Variants in ZNF385D observed in about 807,000 individuals in gnomAD.
ZNF385D encodes zinc finger protein 385D.
Under a neutral mutation model 35.8 loss-of-function variants are expected in ZNF385D, and 15 were observed. The observed-to-expected ratio is 0.42, with a 90% CI of 0.28 to 0.64. ZNF385D has a LOEUF of 0.64. Among genes scored for constraint, ZNF385D ranks in the 30% least tolerant of loss-of-function variants. The probability of loss-of-function intolerance (pLI) is 0.23; values close to 1 mark genes in which losing one functional copy is unlikely to be tolerated. For synonymous variants in ZNF385D, 212 were observed against 186.8 expected, an observed-to-expected ratio of 1.13 and a Z score of -1.10; for missense variants, 474 against 494.6, an observed-to-expected ratio of 0.96 and a Z score of 0.39.
At chr3:22,330,132 A>G (rs1437902496) in intron 2 of ZNF385D, among the ~76,000 whole-genome samples, 2 of 152,202 alleles carry the variant, frequency 1.3e-5, no homozygotes, top group Non-Finnish European at 2.9e-5. Context: ...CATTTCGATG[A>G]GTACATATTT....
intron 3 of ZNF385D, among the ~76,000 whole-genome samples, chr3:21,852,422 A>G (rs1189830141): frequency 6.6e-6 from 1 of 151,926 alleles, no homozygotes; most frequent in Non-Finnish European, 1.5e-5. Flanking sequence ...ACTGTAATAG[A>G]CAGCATTCAT....
At chr3:21,714,262 A>C (rs1559544619) in intron 1 of ZNF385D, among the ~76,000 whole-genome samples, 1 of 152,146 alleles carries the variant, frequency 6.6e-6, no homozygotes, top group Non-Finnish European at 1.5e-5. Flanking sequence ...CCTGACACTT[A>C]CTGAGCACAT....
intron 2 of ZNF385D, among the ~76,000 whole-genome samples, chr3:21,590,086 A>G (rs1416875473): frequency 1.3e-5 from 2 of 152,194 alleles, no homozygotes; most frequent in Non-Finnish European, 2.9e-5. Flanking sequence ...CAGCAAAAGC[A>G]TGGATCCAGA....
intron 2 of ZNF385D, among the ~76,000 whole-genome samples, chr3:22,246,183 ACTTTT>A (rs1699769136): frequency 6.6e-6 from 1 of 152,150 alleles, no homozygotes; most frequent in African/African-American, 2.4e-5. Context: ...CAAGAAACAT[ACTTTT>A]CTTTTCAAAC....
At chr3:22,310,039 G>T (rs751889795) in intron 2 of ZNF385D, among the ~76,000 whole-genome samples, 2 of 151,948 alleles carry the variant, frequency 1.3e-5, no homozygotes, top group African/African-American at 4.8e-5. Context: ...TTGGGATGAG[G>T]ATTGATCCAA....
At position 22,156,189 on chromosome 3, in the gene ZNF385D, TACC is replaced by T. The variant is rs372804350; in HGVS notation, c.325+12625_325+12627del. On this transcript the variant is annotated intron_variant, in intron 3 of 5. Coordinates refer to the ZNF385D transcript ENST00000494108. Reference sequence around the variant, plus strand: ...ATAAATGTACTTCTAGGAAAAAAATTACCACCATATGAAGACACAATCCTCAAG... The same window carrying T: ...ATAAATGTACTTCTAGGAAAAAAATTACCATATGAAGACACAATCCTCAAG... 2.1e-4 allele frequency among the ~76,000 whole-genome samples: 32 copies of T among 152,130 alleles called. No individual in the cohort carries two copies. In the East Asian group the frequency reaches 4.1e-3, roughly 19 times the overall value.
intron 3 of ZNF385D, among the ~76,000 whole-genome samples, chr3:21,766,141 G>T (rs2070821366): frequency 6.6e-6 from 1 of 152,108 alleles, no homozygotes; most frequent in Non-Finnish European, 1.5e-5. Context: ...TTATGGGATT[G>T]ATAACAATGG....
intron 3 of ZNF385D, among the ~76,000 whole-genome samples, chr3:22,016,379 A>G (rs1323831789): frequency 6.6e-6 from 1 of 152,130 alleles, no homozygotes; most frequent in Non-Finnish European, 1.5e-5. Context: ...CCCAGATGCT[A>G]TACTTAGCAT....
chr3:22,210,375 A>G (rs1488055044), intron 2 of ZNF385D, among the ~76,000 whole-genome samples: 1 of 151,932 alleles, frequency 6.6e-6, no homozygotes, highest in Non-Finnish European at 1.5e-5. Flanking sequence ...AAAAGAGGCA[A>G]CCACAGGTGA....
intron 3 of ZNF385D, among the ~76,000 whole-genome samples, chr3:21,837,153 A>G (rs951269736): frequency 6.6e-6 from 1 of 152,104 alleles, no homozygotes; most frequent in Non-Finnish European, 1.5e-5. Flanking sequence ...GTCATTGCCA[A>G]ATTTCTCTCT....
intron 2 of ZNF385D, among the ~76,000 whole-genome samples, chr3:22,277,396 A>G (rs955336485): frequency 1.3e-5 from 2 of 152,150 alleles, no homozygotes; most frequent in African/African-American, 2.4e-5. Flanking sequence ...GGGGTAGCCT[A>G]GAAAATCATA....
At chr3:22,132,972 T>A (rs1703888549) in intron 3 of ZNF385D, among the ~76,000 whole-genome samples, 1 of 152,174 alleles carries the variant, frequency 6.6e-6, no homozygotes, top group Non-Finnish European at 1.5e-5. Flanking sequence ...ATAAAGTTAC[T>A]GTAAATTGTT....
rs534305637 is a variant in ZNF385D, at chr3:21,802,454, C to G, written c.326-137426G>C. On this transcript the variant is annotated intron_variant, in intron 3 of 5. Coordinates refer to the ZNF385D transcript ENST00000494108. ...GCCTTCAAAAGCATAGAATAAAGCA[C>G]TGTGTAAGTAACAGACATCTCCAAG... Among the ~76,000 whole-genome samples the G allele has an allele frequency of 1.1e-4, 17 of 152,192 alleles. No individual in the cohort carries two copies. The East Asian group carries it at 3.1e-3, about 28-fold the overall frequency.
rs190392683 is a variant in ZNF385D, at chr3:22,171,681, C to T, written c.107-2646G>A. On this transcript the variant is annotated intron_variant, in intron 2 of 5. Transcript: ENST00000494108. ...CACAAGGTCAGGAGATCGAGACCAT[C>T]GTGGCTAACACAGTGAAATCCCGTC... Among the ~76,000 whole-genome samples the T allele has an allele frequency of 3.3e-4, 50 of 151,986 alleles. 1 individual carries two copies. The East Asian group carries it at 9.1e-3, about 28-fold the overall frequency.
chr3:21,733,609 T>G (rs1351251587), intron 1 of ZNF385D, among the ~76,000 whole-genome samples: 3 of 152,312 alleles, frequency 2.0e-5, no homozygotes, highest in Admixed American at 6.5e-5. Context: ...TAGTTAAATT[T>G]GTCATTTTTC....
Position 21,539,896 on chromosome 3 carries a change from T to C in ZNF385D, c.276+24678A>G, listed in dbSNP as rs941797957. 6.6e-6 allele frequency among the ~76,000 whole-genome samples: 1 copy of C among 152,124 alleles called. No individual in the cohort carries two copies. The highest frequency in any genetic ancestry group is 1.5e-5 in the Non-Finnish European group (1 of 67,998). ...GAGCAATTGATTTTAAAATATTTAC[T>C]TCTCTATGTCTTTTTAAACCATGAA... On this transcript the variant is annotated intron_variant, in intron 3 of 7. Coordinates refer to ENST00000281523, the MANE Select transcript of ZNF385D (RefSeq NM_024697.3). This position sits in a 1 kb window ranked among gnomAD's most constrained non-coding sequence, Gnocchi z 4.0.
chr3:21,597,293 G>T (rs921761225), intron 2 of ZNF385D, among the ~76,000 whole-genome samples: 1 of 151,432 alleles, frequency 6.6e-6, no homozygotes, highest in Admixed American at 6.6e-5. Flanking sequence ...TACCACATTG[G>T]TATTTATTAA....
At chr3:22,147,945 G>T (rs1375961321) in intron 3 of ZNF385D, among the ~76,000 whole-genome samples, 1 of 152,172 alleles carries the variant, frequency 6.6e-6, no homozygotes, top group African/African-American at 2.4e-5. Flanking sequence ...TCGATCTAAA[G>T]TATGAGGATT....
intron 3 of ZNF385D, among the ~76,000 whole-genome samples, chr3:21,909,799 G>C (rs1699874205): frequency 6.6e-6 from 1 of 151,982 alleles, no homozygotes; most frequent in South Asian, 2.1e-4. Flanking sequence ...TTCTTGAATG[G>C]AAAATGAGAC....
Sources: allele counts gnomAD v4.1 joint callset (sites outside exome capture counted in the v4.1 genomes callset), GRCh38; gene constraint gnomAD v4.1.1; non-coding constraint Gnocchi (gnomAD v3.1); transcripts MANE v1.5; gene names NCBI Gene and HGNC (gene_info 2026-07-23, HGNC 2026-07-21).